Variants in PCDHA3 observed in about 807,000 individuals in gnomAD.
PCDHA3 encodes the protein protocadherin alpha 3.
PCDHA3 carries 41 observed loss-of-function variants against 62.2 expected under a neutral mutation model. That is an observed-to-expected ratio of 0.66 (90% CI 0.51 to 0.86). PCDHA3 has a LOEUF of 0.86. Ranked by LOEUF, PCDHA3 falls within the 40% of genes least tolerant of loss-of-function variation. PCDHA3 has a pLI of 0.00. For synonymous variants in PCDHA3, 640 were observed against 555.4 expected, an observed-to-expected ratio of 1.15 and a Z score of -2.14; for missense variants, 1,304 against 1,241.2, an observed-to-expected ratio of 1.05 and a Z score of -0.76.
intron 1 of PCDHA3, chr5:140,968,562 C>T (rs1210264786): frequency 4.3e-6 from 7 of 1,614,090 alleles, no homozygotes; most frequent in Non-Finnish European, 8.5e-7. Context: ...CGAACTGCCC[C>T]TGCTGGCTAC....
chr5:140,869,348 G>A (rs782687742), intron 1 of PCDHA3: 1 of 1,614,066 alleles, frequency 6.2e-7, no homozygotes, highest in South Asian at 1.1e-5. Context: ...CTGCAGAATG[G>A]CATTTTGTTT....
rs140949600 is a variant in PCDHA3, at chr5:140,848,602, C to G, written c.2394+45011C>G. Reference sequence around the variant, plus strand: ...AGCGGCCAGCTCCACTACTCCGTCCCGGAGGAAGCCGAACACGGCACCTTC... The same window carrying G: ...AGCGGCCAGCTCCACTACTCCGTCCGGGAGGAAGCCGAACACGGCACCTTC... On this transcript the variant is annotated intron_variant, in intron 1 of 3. Transcript: ENST00000522353. 8.2e-6 allele frequency: 13 copies of G among 1,593,476 alleles called. 1 individual carries two copies. In the South Asian group the frequency reaches 1.1e-4, roughly 14 times the overall value.
chr5:140,866,149 T>C (rs1554160036), intron 1 of PCDHA3: 1 of 152,130 alleles, frequency 6.6e-6, no homozygotes, highest in Non-Finnish European at 1.5e-5. Flanking sequence ...GGAAGTGATA[T>C]AAGTAAGAAT....
chr5:140,808,453 G>A, intron 1 of PCDHA3: 1 of 1,614,226 alleles, frequency 6.2e-7, no homozygotes. Flanking sequence ...CAGCCTATGA[G>A]CTGGTGGTGA....
intron 1 of PCDHA3, chr5:140,928,117 A>G (rs781867812): frequency 1.1e-5 from 18 of 1,614,208 alleles, no homozygotes; most frequent in Non-Finnish European, 1.5e-5. Context: ...GGAGCAGATC[A>G]GTGAATACCA....
chr5:140,903,317 A>G (rs1364222131), intron 1 of PCDHA3, among the ~76,000 whole-genome samples: 1 of 152,204 alleles, frequency 6.6e-6, no homozygotes, highest in African/African-American at 2.4e-5. Context: ...TAAAGACAGC[A>G]TTTTTATTGA....
intron 1 of PCDHA3, among the ~76,000 whole-genome samples, chr5:140,972,883 C>T (rs1020544230): frequency 1.1e-4 from 16 of 151,884 alleles, no homozygotes; most frequent in African/African-American, 1.7e-4. Context: ...AGGATGGTCT[C>T]GATCTCTTGA....
intron 1 of PCDHA3, chr5:140,843,709 C>A: frequency 6.3e-7 from 1 of 1,574,864 alleles, no homozygotes; most frequent in Non-Finnish European, 8.7e-7. Flanking sequence ...TTGATCATGG[C>A]CTCAAAGTAA....
chr5:140,872,231 T>A (rs1050025307), intron 1 of PCDHA3, among the ~76,000 whole-genome samples: 2 of 152,228 alleles, frequency 1.3e-5, no homozygotes, highest in Non-Finnish European at 2.9e-5. Context: ...TCTTTACTTT[T>A]GTCTTTATTC....
intron 1 of PCDHA3, chr5:140,830,424 C>T (rs1771055440): frequency 6.2e-7 from 1 of 1,613,928 alleles, no homozygotes; most frequent in Non-Finnish European, 8.5e-7. Context: ...AGCCTTTCAC[C>T]TTGTCCTATT....
rs773891459 is a variant in PCDHA3, at chr5:140,856,191, C to T, written c.2394+52600C>T. The T allele has an allele frequency of 7.5e-6, 12 of 1,598,058 alleles. No homozygotes were observed. The South Asian group carries it at 1.2e-4, about 16-fold the overall frequency. On this transcript the variant is annotated intron_variant, in intron 1 of 3. Transcript: ENST00000522353. ...CACGGCACCTTCGTGGGCCGCATCG[C>T]GCAGGACCTGGGGCTGGAGCTGGCG...
chr5:140,988,021 T>C (rs2097278466), intron 3 of PCDHA3, among the ~76,000 whole-genome samples: 1 of 152,216 alleles, frequency 6.6e-6, no homozygotes. Context: ...AGCATGATTC[T>C]TAAGTTTTTT....
At chr5:140,902,185 TTC>T (rs370111655) in intron 1 of PCDHA3, among the ~76,000 whole-genome samples, 3 of 150,766 alleles carry the variant, frequency 2.0e-5, no homozygotes, top group South Asian at 2.1e-4. Flanking sequence ...CCTTTATGTC[TTC>T]TCTCTCTCTC....
chr5:140,991,748 T>C (rs1192231997), intron 3 of PCDHA3, among the ~76,000 whole-genome samples: 4 of 152,224 alleles, frequency 2.6e-5, no homozygotes, highest in Non-Finnish European at 4.4e-5. Flanking sequence ...AGGCTCTTTC[T>C]ATCATGCTCT....
chr5:140,861,492 C>T (rs367687867), intron 1 of PCDHA3: 11 of 487,014 alleles, frequency 2.3e-5, no homozygotes, highest in Middle Eastern at 7.2e-4. Flanking sequence ...TGTGAGTTCT[C>T]TGATAGACCT....
At chr5:140,906,829 C>T (rs2072974984) in intron 1 of PCDHA3, among the ~76,000 whole-genome samples, 1 of 152,244 alleles carries the variant, frequency 6.6e-6, no homozygotes, top group Non-Finnish European at 1.5e-5. Context: ...GAGTAGTAGA[C>T]TGATTTCATC....
intron 1 of PCDHA3, chr5:140,850,516 A>G: frequency 6.3e-7 from 1 of 1,598,240 alleles, no homozygotes; most frequent in Non-Finnish European, 8.6e-7. Context: ...GAGAGCGGCC[A>G]GGCGCCAAAG....
intron 1 of PCDHA3, among the ~76,000 whole-genome samples, chr5:140,937,469 T>C (rs1322050073): frequency 6.6e-6 from 1 of 152,210 alleles, no homozygotes; most frequent in Non-Finnish European, 1.5e-5. Flanking sequence ...ATACAAAAAT[T>C]AGCTGGACAT....
At chr5:140,846,550 AT>A (rs1279691589) in intron 1 of PCDHA3, among the ~76,000 whole-genome samples, 1 of 147,284 alleles carries the variant, frequency 6.8e-6, no homozygotes, top group East Asian at 2.0e-4. Context: ...AATTTTTTGT[AT>A]TTTTAGTAGA....
Sources: gnomAD v4.1 joint callset for allele counts (sites outside exome capture counted in the v4.1 genomes callset) on GRCh38, gnomAD v4.1.1 for gene constraint, MANE v1.5 for transcripts, NCBI Gene and HGNC (gene_info 2026-07-23, HGNC 2026-07-21) for gene names.